Variants in MGST1 observed in about 807,000 individuals in gnomAD.
The protein encoded by MGST1 is microsomal glutathione S-transferase 1, also known as glutathione S-transferase 12.
In MGST1, 5 loss-of-function variants were observed where a neutral mutation model predicts 8.9. The ratio of observed to expected loss-of-function variants is 0.56; its 90% confidence interval spans 0.29 to 1.19. MGST1 has a LOEUF of 1.19. Among genes scored for constraint, MGST1 ranks in the 50% most tolerant of loss-of-function variants. The probability of loss-of-function intolerance (pLI) is 0.08; values close to 1 mark genes in which losing one functional copy is unlikely to be tolerated. For synonymous variants in MGST1, 54 were observed against 67.8 expected (o/e 0.80, Z 1.00); for missense variants, 182 against 187.4 (o/e 0.97, Z 0.17).
intron 1 of MGST1, among the ~76,000 whole-genome samples, chr12:16,386,262 T>A (rs1165821377): frequency 6.6e-6 from 1 of 152,176 alleles, no homozygotes; most frequent in Non-Finnish European, 1.5e-5. Flanking sequence ...CTTTTGGACA[T>A]CAGTGCTGTA....
rs78324499 is a variant in MGST1 at position 16,530,952 on chromosome 12, A to G, written n.483-58576A>G. ...AACAGTGAAGACTTGGGAAGTGAATAAAGAAATGTCTTGAAGCATCTTTTA... is the reference window on the plus strand; with the variant it reads ...AACAGTGAAGACTTGGGAAGTGAATGAAGAAATGTCTTGAAGCATCTTTTA... On this transcript the variant is annotated intron_variant and non_coding_transcript_variant, in intron 4 of 4. Transcript: ENST00000538857. Among the ~76,000 whole-genome samples the G allele has an allele frequency of 8.8e-3, 1,334 of 152,166 alleles. 56 individuals are homozygous for G. The East Asian group carries it at 0.14, about 16-fold the overall frequency.
intron 1 of MGST1, among the ~76,000 whole-genome samples, chr12:16,390,140 A>T (rs1940537450): frequency 6.6e-6 from 1 of 152,124 alleles, no homozygotes; most frequent in Non-Finnish European, 1.5e-5. Flanking sequence ...TAATAGAGGC[A>T]GGGGCATATA....
intron 4 of MGST1, among the ~76,000 whole-genome samples, chr12:16,454,871 C>CAAAAAAAAAAAAAAAAA (rs1941158970): frequency 9.9e-6 from 1 of 100,548 alleles, no homozygotes; most frequent in African/African-American, 4.2e-5. Context: ...TTTAAGTAGA[C>CAAAAAAAAAAAAAAAAA]CAAAAAAAAA....
intron 1 of MGST1, among the ~76,000 whole-genome samples, chr12:16,392,604 A>G (rs1263881705): frequency 6.6e-6 from 1 of 152,134 alleles, no homozygotes. Flanking sequence ...CCAGTCCTTC[A>G]CTTTTGTTCC....
intron 4 of MGST1, among the ~76,000 whole-genome samples, chr12:16,474,432 T>C (rs567022793): frequency 2.0e-5 from 3 of 152,362 alleles, no homozygotes; most frequent in Admixed American, 2.0e-4. Flanking sequence ...TTTGTGCTTA[T>C]TGGATTTCAT....
intron 4 of MGST1, among the ~76,000 whole-genome samples, chr12:16,468,365 A>C (rs1941267901): frequency 6.6e-6 from 1 of 150,626 alleles, no homozygotes; most frequent in Non-Finnish European, 1.5e-5. Context: ...TTATGGTTTG[A>C]AGGCTGAAAT....
chr12:16,504,385 T>C (rs1941523580), intron 4 of MGST1, among the ~76,000 whole-genome samples: 1 of 152,210 alleles, frequency 6.6e-6, no homozygotes, highest in Admixed American at 6.5e-5. Flanking sequence ...GCCTAGATGC[T>C]TTGAAACCCC....
chr12:16,543,662 C>T (rs939245163), intron 4 of MGST1, among the ~76,000 whole-genome samples: 1 of 151,746 alleles, frequency 6.6e-6, no homozygotes, highest in Non-Finnish European at 1.5e-5. Flanking sequence ...TAGGTATTAC[C>T]TCCATTTTAC....
At chr12:16,519,557 T>A (rs1941635178) in intron 4 of MGST1, among the ~76,000 whole-genome samples, 1 of 152,152 alleles carries the variant, frequency 6.6e-6, no homozygotes, top group South Asian at 2.1e-4. Flanking sequence ...AATCAGATAT[T>A]TTCTTCTCCT....
At chr12:16,570,204 T>C (rs933788638) in intron 4 of MGST1, among the ~76,000 whole-genome samples, 3 of 152,160 alleles carry the variant, frequency 2.0e-5, no homozygotes, top group Admixed American at 6.6e-5. Context: ...TAAAATTGAA[T>C]AGGGTTTTCT....
rs961724791 is a variant in MGST1 at position 16,586,318 on chromosome 12, G to A, written n.483-3210G>A. On this transcript the variant is annotated intron_variant and non_coding_transcript_variant, in intron 4 of 4. Coordinates refer to the MGST1 transcript ENST00000538857. This position sits in a 1 kb window ranked among gnomAD's most constrained non-coding sequence, Gnocchi z 4.3. ...TCATGATACGATGAAGTCCACATAC[G>A]GAACAACTAAGAAACAACTAAAACA... Among the ~76,000 whole-genome samples, 2 of 152,082 alleles carry A rather than the reference G, an allele frequency of 1.3e-5. No individual in the cohort carries two copies. The highest frequency in any genetic ancestry group is 2.1e-4 in the South Asian group (1 of 4,828).
At chr12:16,404,177 C>T (rs1261794786) in intron 1 of MGST1, among the ~76,000 whole-genome samples, 1 of 151,998 alleles carries the variant, frequency 6.6e-6, no homozygotes, top group Non-Finnish European at 1.5e-5. Flanking sequence ...TACCTTTTGT[C>T]CTAACAACTT....
chr12:16,552,209 A>C (rs922997036), intron 4 of MGST1, among the ~76,000 whole-genome samples: 1 of 152,076 alleles, frequency 6.6e-6, no homozygotes, highest in African/African-American at 2.4e-5. Flanking sequence ...ATTTAACAAT[A>C]AAGTAACTCT....
At chr12:16,475,788 C>T (rs939119860) in intron 4 of MGST1, among the ~76,000 whole-genome samples, 2 of 152,086 alleles carry the variant, frequency 1.3e-5, no homozygotes, top group Admixed American at 1.3e-4. Flanking sequence ...ACTCCCTTCC[C>T]AGGTGGCTGA....
chr12:16,471,716 T>G (rs578216308), intron 4 of MGST1, among the ~76,000 whole-genome samples: 2 of 152,276 alleles, frequency 1.3e-5, no homozygotes, highest in South Asian at 2.1e-4. Flanking sequence ...AATTTACTAT[T>G]GATAGTAGAA....
At chr12:16,523,943 C>T (rs1471662938) in intron 4 of MGST1, among the ~76,000 whole-genome samples, 9 of 152,052 alleles carry the variant, frequency 5.9e-5, no homozygotes, top group African/African-American at 1.4e-4. Context: ...TTTTATTTAT[C>T]GGTTTCATGC....
chr12:16,403,328 G>A (rs1297171069), intron 1 of MGST1, among the ~76,000 whole-genome samples: 1 of 151,710 alleles, frequency 6.6e-6, no homozygotes, highest in Non-Finnish European at 1.5e-5. Context: ...GTTTTTTTAA[G>A]TTTCTGGCTT....
chr12:16,552,458 TGAG>T (rs1378495540), intron 4 of MGST1, among the ~76,000 whole-genome samples: 1 of 152,008 alleles, frequency 6.6e-6, no homozygotes, highest in East Asian at 1.9e-4. Flanking sequence ...AAGGTTTAAA[TGAG>T]GAGCAGTTGG....
intron 2 of MGST1, among the ~76,000 whole-genome samples, chr12:16,356,929 G>T (rs1226884083): frequency 6.6e-6 from 1 of 152,180 alleles, no homozygotes; most frequent in African/African-American, 2.4e-5. Flanking sequence ...GCTTGGAAAT[G>T]TTAATACACT....
Sources: allele counts gnomAD v4.1 joint callset (sites outside exome capture counted in the v4.1 genomes callset), GRCh38; gene constraint gnomAD v4.1.1; non-coding constraint Gnocchi (gnomAD v3.1); transcripts MANE v1.5; gene names NCBI Gene and HGNC (gene_info 2026-07-23, HGNC 2026-07-21).